The following DHRS3 variants were observed in gnomAD, a reference collection of about 807,000 sequenced individuals.
DHRS3 encodes short-chain dehydrogenase/reductase 3.
A neutral mutation model predicts 27.2 loss-of-function variants in DHRS3; 14 were observed. That is an observed-to-expected ratio of 0.52 (90% confidence interval 0.34 to 0.81). DHRS3 has a LOEUF of 0.81. DHRS3 is among the 30% of genes least tolerant of loss of function. The probability of loss-of-function intolerance (pLI) is 0.01; values close to 1 mark genes in which losing one functional copy is unlikely to be tolerated. For synonymous variants in DHRS3, 165 were observed against 175.9 expected (o/e 0.94, Z 0.49); for missense variants, 322 against 406.2 (o/e 0.79, Z 1.78).
chr1:12,609,736 T>G (rs1033259728), intron 1 of DHRS3, among the ~76,000 whole-genome samples: 1 of 152,186 alleles, frequency 6.6e-6, no homozygotes, highest in Non-Finnish European at 1.5e-5. Context: ...GGTGAGGGCA[T>G]GATGCTTGAG....
In DHRS3 at chr1:12,592,156, T is replaced by A. The variant is rs928117703; in HGVS notation, c.196-11490A>T. Among the ~76,000 whole-genome samples the A allele has an allele frequency of 2.6e-5, 4 of 152,138 alleles. No homozygotes were observed. The highest frequency in any genetic ancestry group is 9.7e-5 in the African/African-American group (4 of 41,436). The stretch of plus-strand genomic sequence containing the variant: ...TGACAAGCACTCACCGCCACCACAG[T>A]GAACAATCTGTGGACCTTTACTGCA... On this transcript the variant is annotated intron_variant, in intron 1 of 5. Coordinates refer to ENST00000616661, the MANE Select transcript of DHRS3 (RefSeq NM_004753.7). The surrounding 1 kb of genome is among the most constrained non-coding windows in gnomAD (Gnocchi z 4.2).
chr1:12,598,854 C>T (rs796873529), intron 1 of DHRS3, among the ~76,000 whole-genome samples: 2 of 152,172 alleles, frequency 1.3e-5, no homozygotes, highest in African/African-American at 2.4e-5. Context: ...ACCCCCAAAC[C>T]GGTTGGCGGT....
chr1:12,613,636 G>A (rs1276522349), intron 1 of DHRS3, among the ~76,000 whole-genome samples: 2 of 152,224 alleles, frequency 1.3e-5, no homozygotes, highest in East Asian at 1.9e-4. Flanking sequence ...GCTGGGTGCT[G>A]TAGGAACAGG....
intron 4 of DHRS3, among the ~76,000 whole-genome samples, chr1:12,573,377 G>A (rs7512533): frequency 3.9e-4 from 60 of 152,290 alleles, no homozygotes; most frequent in African/African-American, 1.3e-3. Flanking sequence ...CCTTGACCGC[G>A]TTCACCCCAC....
chr1:12,583,705 C>G (rs1043288812), intron 1 of DHRS3, among the ~76,000 whole-genome samples: 18 of 151,662 alleles, frequency 1.2e-4, no homozygotes, highest in African/African-American at 3.6e-4. Flanking sequence ...CATTCATCCA[C>G]TCACCTACCC....
chr1:12,580,744 G>A, intron 1 of DHRS3, 78 bp from the exon 2 acceptor site: 1 of 1,517,426 alleles, frequency 6.6e-7, no homozygotes. Context: ...AGAAATTCAG[G>A]ATTTAAAGTC....
rs1315220826 is a variant in DHRS3 at position 12,582,871 on chromosome 1, ATCCC to A, written c.196-2209_196-2206del. On this transcript the variant is annotated intron_variant, in intron 1 of 5. Transcript: ENST00000616661. ...CATCCATCCATCCATCCATCCATCC[ATCCC>A]TCCCTCCCTCATCTACCCTACTCCA... is the stretch of plus-strand genomic sequence containing the variant. Among the ~76,000 whole-genome samples the A allele has an allele frequency of 4.1e-3, 615 of 148,668 alleles. 4 individuals carry two copies. The highest frequency in any genetic ancestry group is 4.8e-3 in the African/African-American group (194 of 40,148).
chr1:12,579,349 T>A lies in DHRS3; in HGVS notation c.403A>T (p.Ser135Cys). The change falls in exon 3 of 6, where the codon AGT becomes TGT. Residue 135 changes from serine (S) to cysteine (C), a missense_variant. Transcript: ENST00000616661. ...GACTTGAGGAGGGCATCATCATCAC[T>A]GTCCATTAGGCTCTTCCCATGGACC... ...AVVHGKSLMDSDDDALLKSQH... is the reference protein window; with the variant it reads ...AVVHGKSLMDCDDDALLKSQH... 6.2e-7 allele frequency: 1 copy of A among 1,614,194 alleles called. No homozygotes were observed. The highest frequency in any genetic ancestry group is 8.5e-7 in the Non-Finnish European group (1 of 1,180,022).
At position 12,578,971 on chromosome 1, in the gene DHRS3, G is replaced by A. The variant is rs377237878; in HGVS notation, c.460-15C>T. On this transcript the variant is annotated splice_polypyrimidine_tract_variant and intron_variant, in intron 3 of 5. Coordinates refer to ENST00000616661, the MANE Select transcript of DHRS3 (RefSeq NM_004753.7). This position sits in a 1 kb window ranked among gnomAD's most constrained non-coding sequence, Gnocchi z 4.5. Reference sequence around the variant, plus strand: ...GCCTTGGTGGTCTGAGGGCAGATGGGGTGTCAGGGTGGAGCAGCTGCAGCT... The same window carrying A: ...GCCTTGGTGGTCTGAGGGCAGATGGAGTGTCAGGGTGGAGCAGCTGCAGCT... 2 of 1,603,214 alleles carry A rather than the reference G, an allele frequency of 1.2e-6. No individual in the cohort carries two copies. The highest frequency in any genetic ancestry group is 1.7e-6 in the Non-Finnish European group (2 of 1,173,912).
chr1:12,579,258 G>GC, intron 3 of DHRS3, 35 bp downstream of exon 3: 4 of 1,613,858 alleles, frequency 2.5e-6, no homozygotes, highest in Non-Finnish European at 3.4e-6. Context: ...CTCCCTGCAC[G>GC]CCCGGGGCTG....
chr1:12,613,876 TCTC>T (rs1422491255), intron 1 of DHRS3, among the ~76,000 whole-genome samples: 1 of 152,100 alleles, frequency 6.6e-6, no homozygotes, highest in Non-Finnish European at 1.5e-5. Flanking sequence ...TTCAAGCACT[TCTC>T]CTGCCTCAGC....
Position 12,586,461 on chromosome 1 carries a change from G to A in DHRS3, c.196-5795C>T, listed in dbSNP as rs951255749. On this transcript the variant is annotated intron_variant, in intron 1 of 5. Transcript: ENST00000616661. The surrounding 1 kb of genome is among the most constrained non-coding windows in gnomAD (Gnocchi z 5.0). Reference sequence around the variant, plus strand: ...CTCCTCCAATGTCCACAACAGCCCCGTCCATCCAGCACCACACGGACAGCC... The same window carrying A: ...CTCCTCCAATGTCCACAACAGCCCCATCCATCCAGCACCACACGGACAGCC... 6.6e-5 allele frequency among the ~76,000 whole-genome samples: 10 copies of A among 152,056 alleles called. No homozygotes were observed. The highest frequency in any genetic ancestry group is 1.0e-4 in the Non-Finnish European group (7 of 68,018).
chr1:12,585,386 T>TCTGTGTGA, intron 1 of DHRS3, among the ~76,000 whole-genome samples: 1 of 67,044 alleles, frequency 1.5e-5, no homozygotes, highest in Non-Finnish European at 5.2e-5. Flanking sequence ...AGTGTGTGTC[T>TCTGTGTGA]GTGTGTGACT....
intron 1 of DHRS3, among the ~76,000 whole-genome samples, chr1:12,614,280 C>T (rs1248126664): frequency 2.6e-5 from 4 of 152,088 alleles, no homozygotes; most frequent in East Asian, 1.9e-4. Flanking sequence ...AGACTGGAGC[C>T]GGGGCTGACC....
chr1:12,614,776 G>A (rs1646933825), intron 1 of DHRS3, among the ~76,000 whole-genome samples: 1 of 150,620 alleles, frequency 6.6e-6, no homozygotes, highest in Non-Finnish European at 1.5e-5. Flanking sequence ...ATCTAGGCTG[G>A]GAAGCTCTCA....
chr1:12,608,783 G>A lies in DHRS3; in HGVS notation c.195+8371C>T, dbSNP rs1348304428. Among the ~76,000 whole-genome samples, 1 of 152,184 alleles carries A rather than the reference G, an allele frequency of 6.6e-6. No homozygotes were observed. Among genetic ancestry groups the A allele is most frequent in the African/African-American group, 2.4e-5 (1 of 41,452 alleles). Reference sequence around the variant, plus strand: ...CTGCATTTTCGAGCCCTCCCCACGGGCCTAGCATGGGCCTCCAGAACCATC... The same window carrying A: ...CTGCATTTTCGAGCCCTCCCCACGGACCTAGCATGGGCCTCCAGAACCATC... On this transcript the variant is annotated intron_variant, in intron 1 of 5. Transcript: ENST00000616661. The surrounding 1 kb of genome is among the most constrained non-coding windows in gnomAD (Gnocchi z 4.1).
chr1:12,579,086 G>C (rs1178402162), intron 3 of DHRS3, 130 bp from the exon 4 acceptor site: 1 of 1,230,908 alleles, frequency 8.1e-7, no homozygotes, highest in East Asian at 2.5e-5. Flanking sequence ...GCGAGGGAGA[G>C]GGCCGAGGGC....
chr1:12,580,518 C>A lies in DHRS3; in HGVS notation c.339+5G>T. On this transcript the variant is annotated splice_donor_5th_base_variant and intron_variant, in intron 2 of 5. Coordinates refer to ENST00000616661, the MANE Select transcript of DHRS3 (RefSeq NM_004753.7). Reference sequence around the variant, plus strand: ...GCTAGGAATAGACCCTCCCAGGCTACAGACCTTCTCCCGGACGGCCTTGGC... The same window carrying A: ...GCTAGGAATAGACCCTCCCAGGCTAAAGACCTTCTCCCGGACGGCCTTGGC... 1 of 1,614,150 alleles carries A rather than the reference C, an allele frequency of 6.2e-7. No individual in the cohort carries two copies. The highest frequency in any genetic ancestry group is 8.5e-7 in the Non-Finnish European group (1 of 1,180,022).
intron 1 of DHRS3, among the ~76,000 whole-genome samples, chr1:12,583,914 T>C (rs1172706837): frequency 6.6e-6 from 1 of 150,732 alleles, no homozygotes; most frequent in Non-Finnish European, 1.5e-5. Flanking sequence ...CCCAATTCCA[T>C]TCATCTATCC....
Sources: gnomAD v4.1 joint callset for allele counts (sites outside exome capture counted in the v4.1 genomes callset) on GRCh38, gnomAD v4.1.1 for gene constraint, Gnocchi (gnomAD v3.1) non-coding constraint, MANE v1.5 for transcripts, NCBI Gene and HGNC (gene_info 2026-07-23, HGNC 2026-07-21) for gene names.